The following RERE variants were observed in gnomAD, a reference collection of about 807,000 sequenced individuals.
RERE encodes arginine-glutamic acid dipeptide repeats.
A neutral mutation model predicts 146.1 loss-of-function variants in RERE; 40 were observed. That is an observed-to-expected ratio of 0.27 (90% confidence interval 0.21 to 0.36). The LOEUF (loss-of-function observed/expected upper bound fraction) is 0.36, where lower values mean the gene tolerates loss of function less well. Among genes scored for constraint, RERE ranks in the 10% least tolerant of loss-of-function variants. RERE has a pLI of 1.00. For missense variants in RERE, 1,933 were observed against 2,138.7 expected, an observed-to-expected ratio of 0.90 and a Z score of 1.90; for synonymous variants, 1,003 against 866.0, an observed-to-expected ratio of 1.16 and a Z score of -2.78.
At chr1:8,492,975 G>C (rs1421259307) in intron 10 of RERE, among the ~76,000 whole-genome samples, 1 of 152,038 alleles carries the variant, frequency 6.6e-6, no homozygotes, top group Admixed American at 6.5e-5. Flanking sequence ...TCAGGAAGCT[G>C]AAGTGGGAGG....
At position 8,378,689 on chromosome 1, in the gene RERE, G is replaced by A. The variant is rs770491951; in HGVS notation, c.1285-12715C>T. ...TCTGGTCTTGGACTTCCAACTTCCAGAACTGTAAGAAAATAAGTTCTGTTG... is the reference window on the plus strand; with the variant it reads ...TCTGGTCTTGGACTTCCAACTTCCAAAACTGTAAGAAAATAAGTTCTGTTG... On this transcript the variant is annotated intron_variant, in intron 12 of 22. Coordinates refer to ENST00000400908, the MANE Select transcript of RERE (RefSeq NM_001042681.2). Among the ~76,000 whole-genome samples the A allele has an allele frequency of 2.6e-4, 40 of 152,178 alleles. 1 individual carries two copies. The highest frequency in any genetic ancestry group is 9.7e-4 in the African/African-American group (40 of 41,438).
In RERE at chr1:8,795,276, G is replaced by A. The variant is rs181056997; in HGVS notation, c.-145+21884C>T. Among the ~76,000 whole-genome samples the A allele has an allele frequency of 2.9e-3, 441 of 151,678 alleles. 2 individuals are homozygous for A. The highest frequency in any genetic ancestry group is 0.01 in the African/African-American group (419 of 41,366). On this transcript the variant is annotated intron_variant, in intron 1 of 22. Coordinates refer to ENST00000400908, the MANE Select transcript of RERE (RefSeq NM_001042681.2). ...CCTGACTTTGTGACCTGCCCGCCTC[G>A]GCCTCCCAAAGTGCTGGGATTACAG... is the stretch of plus-strand genomic sequence containing the variant.
intron 12 of RERE, among the ~76,000 whole-genome samples, chr1:8,402,231 T>A (rs987430844): frequency 6.6e-6 from 1 of 152,204 alleles, no homozygotes; most frequent in African/African-American, 2.4e-5. Context: ...CATCATGCTG[T>A]GGGAAGCCCA....
chr1:8,529,113 G>T (rs1645606008), intron 7 of RERE, among the ~76,000 whole-genome samples: 1 of 152,020 alleles, frequency 6.6e-6, no homozygotes, highest in Non-Finnish European at 1.5e-5. Context: ...AGCAAATATG[G>T]CAAAATACTA....
chr1:8,689,569 A>T (rs1048563878), intron 1 of RERE, among the ~76,000 whole-genome samples: 8 of 152,162 alleles, frequency 5.3e-5, no homozygotes, highest in African/African-American at 1.9e-4. Flanking sequence ...AGGAATTCAT[A>T]TTTTTTCCCT....
Position 8,356,088 on chromosome 1 carries a change from G to GGGAA in RERE, c.4486+8_4486+11dup, listed in dbSNP as rs1040873994. 1 of 1,489,770 alleles carries GGGAA rather than the reference G, an allele frequency of 6.7e-7. No individual in the cohort carries two copies. The highest frequency in any genetic ancestry group is 8.9e-7 in the Non-Finnish European group (1 of 1,122,902). The allele number at this position is 1,489,770 out of a possible 1,614,324, so 92.3% of individuals were successfully genotyped here. On this transcript the variant is annotated intron_variant, in intron 21 of 22. Transcript: ENST00000400908. This position sits in a 1 kb window ranked among gnomAD's most constrained non-coding sequence, Gnocchi z 5.2. ...CACGGCCTCCCCGCCCCTCCTGGAG[G>GGGAA]GGAAGTCTTACCGAAAACTGGGTGG... is the stretch of plus-strand genomic sequence containing the variant.
In RERE at chr1:8,364,372, AGCCCTGG is replaced by A. The variant is rs1570049579; in HGVS notation, c.1541-124_1541-118del. ...AAACCTGATGCCACCAGCACCATGC[AGCCCTGG>A]GCCCCAACACCCCAGGGCTAGTGCT... is the stretch of plus-strand genomic sequence containing the variant. On this transcript the variant is annotated intron_variant, in intron 14 of 22. Coordinates refer to ENST00000400908, the MANE Select transcript of RERE (RefSeq NM_001042681.2). The surrounding 1 kb of genome is among the most constrained non-coding windows in gnomAD (Gnocchi z 5.1). The A allele has an allele frequency of 3.5e-5, 31 of 894,202 alleles. No individual in the cohort carries two copies. The East Asian group carries it at 7.7e-4, about 22-fold the overall frequency. The allele number at this position is 894,202 out of a possible 1,614,324, so 55.4% of individuals were successfully genotyped here. A position where few individuals can be genotyped will look rare whatever the true frequency, so the allele number is the denominator to read the frequency against.
chr1:8,677,587 T>C (rs891938921), intron 1 of RERE, among the ~76,000 whole-genome samples: 21 of 152,118 alleles, frequency 1.4e-4, no homozygotes, highest in Non-Finnish European at 2.5e-4. Flanking sequence ...ACCTTATTAT[T>C]CACTAATTCA....
chr1:8,579,892 T>A (rs1646342412), intron 4 of RERE, among the ~76,000 whole-genome samples: 1 of 152,230 alleles, frequency 6.6e-6, no homozygotes, highest in African/African-American at 2.4e-5. Flanking sequence ...TAATCCCAGC[T>A]ACATGGGAGG....
At chr1:8,585,756 C>T (rs1304034569) in intron 4 of RERE, among the ~76,000 whole-genome samples, 1 of 152,130 alleles carries the variant, frequency 6.6e-6, no homozygotes, top group Non-Finnish European at 1.5e-5. Context: ...GGTAAATAAA[C>T]GGAAGCAACC....
chr1:8,583,911 T>C (rs1172193155), intron 4 of RERE, among the ~76,000 whole-genome samples: 1 of 151,966 alleles, frequency 6.6e-6, no homozygotes, highest in Non-Finnish European at 1.5e-5. Context: ...AATGTTACTA[T>C]TTTAAAAAGA....
intron 11 of RERE, among the ~76,000 whole-genome samples, chr1:8,454,342 T>G (rs1313635454): frequency 1.3e-5 from 2 of 152,170 alleles, no homozygotes; most frequent in African/African-American, 2.4e-5. Context: ...CTCTGTTAGC[T>G]TTAGATAAAT....
intron 1 of RERE, among the ~76,000 whole-genome samples, chr1:8,680,046 G>C (rs536937094): frequency 6.6e-6 from 1 of 152,114 alleles, no homozygotes; most frequent in Admixed American, 6.5e-5. Flanking sequence ...TGGAATAGCT[G>C]TTTTCTTAGT....
At chr1:8,653,178 C>CA (rs1439942107) in intron 2 of RERE, among the ~76,000 whole-genome samples, 2 of 152,164 alleles carry the variant, frequency 1.3e-5, no homozygotes, top group Non-Finnish European at 2.9e-5. Context: ...GGAGACTGTA[C>CA]AGGCAGCATT....
chr1:8,492,667 A>G (rs540693045), intron 10 of RERE, among the ~76,000 whole-genome samples: 1 of 152,320 alleles, frequency 6.6e-6, no homozygotes, highest in East Asian at 1.9e-4. Context: ...TGGGAGGCCG[A>G]GGCAGGAGGA....
chr1:8,667,981 C>T (rs1469811653), intron 1 of RERE, among the ~76,000 whole-genome samples: 1 of 152,212 alleles, frequency 6.6e-6, no homozygotes, highest in Admixed American at 6.5e-5. Context: ...AACAACGCAA[C>T]CCACTGCTCC....
chr1:8,655,125 T>A (rs1309358112), intron 2 of RERE, among the ~76,000 whole-genome samples: 1 of 152,128 alleles, frequency 6.6e-6, no homozygotes, highest in Non-Finnish European at 1.5e-5. Flanking sequence ...AGATGACTAC[T>A]TCTATTATTG....
intron 2 of RERE, among the ~76,000 whole-genome samples, chr1:8,640,177 A>C (rs1292785052): frequency 6.6e-6 from 1 of 152,006 alleles, no homozygotes; most frequent in Non-Finnish European, 1.5e-5. Flanking sequence ...AATAAAAAAC[A>C]ACATATTGAA....
intron 6 of RERE, among the ~76,000 whole-genome samples, chr1:8,549,467 G>A (rs561949361): frequency 5.3e-5 from 8 of 152,150 alleles, no homozygotes; most frequent in African/African-American, 7.2e-5. Context: ...GGGATAAAAG[G>A]GAGATTTCTT....
Sources: allele counts gnomAD v4.1 joint callset (sites outside exome capture counted in the v4.1 genomes callset), GRCh38; gene constraint gnomAD v4.1.1; non-coding constraint Gnocchi (gnomAD v3.1); transcripts MANE v1.5; gene names NCBI Gene and HGNC (gene_info 2026-07-23, HGNC 2026-07-21).